The following MPND variants were observed in gnomAD, a reference collection of about 807,000 sequenced individuals.
The protein encoded by MPND is MPN domain-containing protein.
MPND carries 56 observed loss-of-function variants against 59.2 expected under a neutral mutation model. The observed-to-expected ratio is 0.95, with a 90% CI of 0.76 to 1.18. The LOEUF (loss-of-function observed/expected upper bound fraction) is 1.18. MPND is among the 50% of genes most tolerant of loss of function. MPND has a pLI of 0.00. For missense variants in MPND, 671 were observed against 676.0 expected, an observed-to-expected ratio of 0.99 and a Z score of 0.08; for synonymous variants, 323 against 291.9, an observed-to-expected ratio of 1.11 and a Z score of -1.09.
At chr19:4,354,189 G>A in intron 5 of MPND, 60 bp downstream of exon 5, 1 of 1,560,660 alleles carries the variant, frequency 6.4e-7, no homozygotes, top group Non-Finnish European at 8.8e-7. Flanking sequence ...TGCTGGTCTT[G>A]GGGTAGCAAG....
At position 4,357,572 on chromosome 19, in the gene MPND, T is replaced by C. The variant is rs971634313; in HGVS notation, c.1223T>C (p.Met408Thr). The change falls in exon 10 of 13, where the codon ATG becomes ACG. Residue 408 changes from methionine (M) to threonine (T), a missense_variant. By Grantham distance (81) the Met-to-Thr change is moderately conservative (BLOSUM62 -1). Transcript: ENST00000599840. ...TCCAAGATCTCACCTTTCTGGGTGA[T>C]GCCTCCTCCCGAGGTAGGTGGGGCT... ...PESKISPFWV[M>T]PPPEQRPSDY... is the part of the protein sequence containing the mutation. The C allele has an allele frequency of 4.3e-6, 7 of 1,612,638 alleles. No individual in the cohort carries two copies. The African/African-American group carries it at 6.7e-5, about 15-fold the overall frequency.
At chr19:4,354,249 T>A in intron 5 of MPND, 75 bp from the exon 6 acceptor site, 1 of 1,481,938 alleles carries the variant, frequency 6.7e-7, no homozygotes, top group Non-Finnish European at 9.2e-7. Flanking sequence ...AGCTGTGGGG[T>A]TGGGGGAGTC....
chr19:4,359,261 C>T lies in MPND; in HGVS notation c.1419+6C>T, dbSNP rs374446819. On this transcript the variant is annotated splice_donor_region_variant and intron_variant, in intron 12 of 12. Coordinates refer to ENST00000599840, the MANE Select transcript of MPND (RefSeq NM_001300862.2). ...CCTACCTCGACAAGCTTAAGGTGAG[C>T]CCCAAGTCCCCGCAGACCTCCTAAC... The T allele has an allele frequency of 5.6e-6, 9 of 1,610,788 alleles. No homozygotes were observed. The highest frequency in any genetic ancestry group is 2.2e-5 in the South Asian group (2 of 91,014).
chr19:4,351,710 A>T (rs1274961506), intron 3 of MPND, among the ~76,000 whole-genome samples: 1 of 151,840 alleles, frequency 6.6e-6, no homozygotes, highest in African/African-American at 2.4e-5. Context: ...AAAATACAAA[A>T]AATTAGCTGG....
At chr19:4,346,925 G>A (rs1381509681) in intron 3 of MPND, among the ~76,000 whole-genome samples, 1 of 152,002 alleles carries the variant, frequency 6.6e-6, no homozygotes, top group Non-Finnish European at 1.5e-5. Flanking sequence ...AGCTACTCGG[G>A]AGGCTGAGGC....
Position 4,343,998 on chromosome 19 carries a change from A to G in MPND, c.294+4A>G. The G allele has an allele frequency of 1.5e-6, 2 of 1,324,156 alleles. No individual in the cohort carries two copies. Among genetic ancestry groups the G allele is most frequent in the Non-Finnish European group, 1.9e-6 (2 of 1,040,062 alleles). The allele number at this position is 1,324,156 out of a possible 1,614,324, so 82.0% of individuals were successfully genotyped here. A position where few individuals can be genotyped will look rare whatever the true frequency, so the allele number is the denominator to read the frequency against. Reference sequence around the variant, plus strand: ...GGTGCTGTCCATCTACTACCTGGTGAGCACCCCGCCTCCCTCGTCCCATCG... The same window carrying G: ...GGTGCTGTCCATCTACTACCTGGTGGGCACCCCGCCTCCCTCGTCCCATCG... On this transcript the variant is annotated splice_donor_region_variant and intron_variant, in intron 2 of 12. Transcript: ENST00000599840.
intron 3 of MPND, among the ~76,000 whole-genome samples, chr19:4,350,926 T>G (rs1599570952): frequency 6.7e-6 from 1 of 148,704 alleles, no homozygotes; most frequent in African/African-American, 2.5e-5. Context: ...AGAGGGGAGG[T>G]GAGAGGGAGC....
At chr19:4,354,243 G>T in intron 5 of MPND, 81 bp from the exon 6 acceptor site, 1 of 1,493,654 alleles carries the variant, frequency 6.7e-7, no homozygotes, top group African/African-American at 1.4e-5. Context: ...CCTCAGAGCT[G>T]TGGGGTTGGG....
In MPND at chr19:4,343,753, C is replaced by T. The variant is rs1029635762; in HGVS notation, c.53C>T (p.Pro18Leu). ...SPAGGAGEEA[P>L]EEDEDEAEAE... Reference sequence around the variant, plus strand: ...GCGGGCGGTGCGGGCGAGGAGGCGCCGGAGGAGGACGAGGACGAAGCGGAG... The same window carrying T: ...GCGGGCGGTGCGGGCGAGGAGGCGCTGGAGGAGGACGAGGACGAAGCGGAG... The change falls in exon 2 of 13, where the codon CCG (proline) becomes CTG (leucine). Residue 18 changes from proline (P) to leucine (L), a missense_variant. Physicochemically the swap from Pro to Leu is moderately conservative, Grantham distance 98. Transcript: ENST00000599840. 10 of 1,206,764 alleles carry T rather than the reference C, an allele frequency of 8.3e-6. No homozygotes were observed. Among genetic ancestry groups the T allele is most frequent in the African/African-American group, 6.3e-5 (4 of 63,016 alleles). The allele number at this position is 1,206,764 out of a possible 1,614,324, so 74.8% of individuals were successfully genotyped here.
intron 3 of MPND, among the ~76,000 whole-genome samples, chr19:4,351,666 T>G (rs147124916): frequency 4.2e-3 from 631 of 149,660 alleles, no homozygotes; most frequent in Non-Finnish European, 6.1e-3. Context: ...ATCGAGACCA[T>G]CCTGGCTAAC....
intron 2 of MPND, among the ~76,000 whole-genome samples, chr19:4,344,831 C>T (rs191139135): frequency 4.0e-5 from 6 of 150,236 alleles, no homozygotes; most frequent in Non-Finnish European, 7.4e-5. Context: ...CTCTGCCTCC[C>T]GGTTCAAGCG....
At chr19:4,345,086 T>G (rs1216831102) in intron 2 of MPND, among the ~76,000 whole-genome samples, 2 of 141,726 alleles carry the variant, frequency 1.4e-5, no homozygotes, top group South Asian at 2.3e-4. Flanking sequence ...CTCGCGCTGT[T>G]GCCCAGGCTG....
intron 3 of MPND, among the ~76,000 whole-genome samples, chr19:4,349,817 G>A (rs1972274510): frequency 6.6e-6 from 1 of 152,170 alleles, no homozygotes; most frequent in Non-Finnish European, 1.5e-5. Context: ...GCCTGGTCAA[G>A]AGCAATGTCC....
intron 11 of MPND, among the ~76,000 whole-genome samples, chr19:4,358,691 G>A (rs1162926690): frequency 1.3e-5 from 2 of 152,176 alleles, no homozygotes; most frequent in Non-Finnish European, 2.9e-5. Context: ...GGAGGCTGAG[G>A]CAGGACAAGC....
intron 3 of MPND, among the ~76,000 whole-genome samples, 168 bp from the exon 4 acceptor site, chr19:4,352,728 AT>A (rs1010362109): frequency 6.7e-6 from 1 of 148,452 alleles, no homozygotes; most frequent in South Asian, 2.2e-4. Context: ...ATAAAAAAAA[AT>A]GTGAGGTCTT....
At chr19:4,353,225 C>T (rs762625184) in intron 4 of MPND, among the ~76,000 whole-genome samples, 196 bp downstream of exon 4, 19 of 152,100 alleles carry the variant, frequency 1.2e-4, no homozygotes, top group Non-Finnish European at 2.2e-4. Context: ...TACTCACTGC[C>T]TTGACTTCTT....
chr19:4,357,226 C>G, intron 8 of MPND, 27 bp from the exon 9 acceptor site: 1 of 1,558,700 alleles, frequency 6.4e-7, no homozygotes, highest in East Asian at 2.3e-5. Context: ...GGCCCCTGTG[C>G]CCGCTGAGCT....
intron 4 of MPND, 140 bp downstream of exon 4, chr19:4,353,169 G>C (rs1972360190): frequency 1.6e-6 from 1 of 616,538 alleles, no homozygotes; most frequent in African/African-American, 1.9e-5. Flanking sequence ...CCCTAAGTCT[G>C]GAGCCGGACG....
intron 2 of MPND, among the ~76,000 whole-genome samples, chr19:4,345,040 CTTTTTTTTTTTT>C (rs773615575): frequency 6.0e-5 from 4 of 66,438 alleles, no homozygotes; most frequent in Non-Finnish European, 1.1e-4. Context: ...CATGCCCGGC[CTTTTTTTTTTTT>C]TTTTTTTTTT....
Sources: gnomAD v4.1 joint callset for allele counts (sites outside exome capture counted in the v4.1 genomes callset) on GRCh38, gnomAD v4.1.1 for gene constraint, MANE v1.5 for transcripts, NCBI Gene and HGNC (gene_info 2026-07-23, HGNC 2026-07-21) for gene names.